The following VAV2 variants were observed in gnomAD, a reference collection of about 807,000 sequenced individuals.
VAV2 encodes the protein guanine nucleotide exchange factor VAV2.
In VAV2, 67 loss-of-function variants were observed where a neutral mutation model predicts 132.5. The ratio of observed to expected loss-of-function variants is 0.51; its 90% CI spans 0.42 to 0.62. The LOEUF is 0.62. VAV2 is among the 20% of genes least tolerant of loss of function. VAV2 has a pLI of 0.00. For missense variants in VAV2, 938 were observed against 1,153.6 expected, an observed-to-expected ratio of 0.81 and a Z score of 2.71; for synonymous variants, 492 against 443.5, an observed-to-expected ratio of 1.11 and a Z score of -1.37.
chr9:133,944,461 C>T (rs1004574488), intron 1 of VAV2, among the ~76,000 whole-genome samples: 5 of 152,204 alleles, frequency 3.3e-5, no homozygotes, highest in Non-Finnish European at 5.9e-5. Context: ...GCTTGGCCAT[C>T]GACCCCTGGG....
At chr9:133,906,059 G>C (rs1363039591) in intron 2 of VAV2, among the ~76,000 whole-genome samples, 1 of 152,060 alleles carries the variant, frequency 6.6e-6, no homozygotes, top group Admixed American at 6.6e-5. Context: ...AAAAAAGAAA[G>C]AGGTTCCTAC....
intron 1 of VAV2, among the ~76,000 whole-genome samples, chr9:133,944,690 C>T (rs1018501100): frequency 2.0e-5 from 3 of 152,204 alleles, no homozygotes; most frequent in East Asian, 1.9e-4. Flanking sequence ...AGCAGGCCCC[C>T]GCCTAAGGGG....
intron 9 of VAV2, among the ~76,000 whole-genome samples, chr9:133,803,077 T>C (rs1465422014): frequency 6.6e-6 from 1 of 152,070 alleles, no homozygotes; most frequent in Non-Finnish European, 1.5e-5. Context: ...CCACCCAGCC[T>C]TGGGCTTCGG....
At chr9:133,795,638 C>G in intron 12 of VAV2, 30 bp downstream of exon 12, 2 of 1,613,316 alleles carry the variant, frequency 1.2e-6, no homozygotes, top group African/African-American at 1.3e-5. Flanking sequence ...CAGACGGTGG[C>G]TTCTCCCCTG....
At chr9:133,904,630 C>T (rs572279777) in intron 2 of VAV2, among the ~76,000 whole-genome samples, 37 of 152,360 alleles carry the variant, frequency 2.4e-4, no homozygotes, top group Middle Eastern at 3.4e-3. Context: ...TGGAGTCGGA[C>T]GACATGCCCG....
Position 133,879,397 on chromosome 9 carries a change from G to A in VAV2, c.322-17965C>T, listed in dbSNP as rs1454738331. Among the ~76,000 whole-genome samples the A allele has an allele frequency of 6.6e-6, 1 of 152,156 alleles. No individual in the cohort carries two copies. Among genetic ancestry groups the A allele is most frequent in the Non-Finnish European group, 1.5e-5 (1 of 68,030 alleles). ...AGTCCCTAATCAAGCAAAGCAAGGGGCAGGAGATGTCCAGGAATCAGAGAA... is the reference window on the plus strand; with the variant it reads ...AGTCCCTAATCAAGCAAAGCAAGGGACAGGAGATGTCCAGGAATCAGAGAA... On this transcript the variant is annotated intron_variant, in intron 2 of 29. Coordinates refer to ENST00000371850, the MANE Select transcript of VAV2 (RefSeq NM_001134398.2). The surrounding 1 kb of genome is among the most constrained non-coding windows in gnomAD (Gnocchi z 4.4).
intron 2 of VAV2, among the ~76,000 whole-genome samples, chr9:133,880,287 G>A (rs1838440080): frequency 6.6e-6 from 1 of 152,216 alleles, no homozygotes; most frequent in African/African-American, 2.4e-5. Flanking sequence ...AGGGAGAGTG[G>A]GCAGGAAGCA....
At chr9:133,896,866 G>A (rs537286173) in intron 2 of VAV2, among the ~76,000 whole-genome samples, 86 of 152,230 alleles carry the variant, frequency 5.6e-4, no homozygotes, top group Non-Finnish European at 7.8e-4. Context: ...AGGCCGAGGC[G>A]GGCGGATCAC....
intron 4 of VAV2, among the ~76,000 whole-genome samples, chr9:133,830,063 G>A (rs1043200464): frequency 6.6e-5 from 10 of 152,162 alleles, no homozygotes; most frequent in African/African-American, 2.4e-4. Flanking sequence ...GCACTCACAC[G>A]GTGCCCCTCG....
chr9:133,915,668 G>GCA (rs199923012), intron 2 of VAV2, among the ~76,000 whole-genome samples: 5,003 of 147,938 alleles, frequency 0.034, 268 homozygotes, highest in African/African-American at 0.11. Flanking sequence ...ACGCACACAT[G>GCA]CACACACACA....
intron 17 of VAV2, 110 bp from the exon 18 acceptor site, chr9:133,784,528 G>A (rs901588015): frequency 4.2e-6 from 5 of 1,187,094 alleles, no homozygotes; most frequent in African/African-American, 1.5e-5. Flanking sequence ...TGCAGAATCC[G>A]AGAGGGCCTG....
intron 1 of VAV2, among the ~76,000 whole-genome samples, chr9:133,944,119 T>G (rs1180031776): frequency 6.6e-6 from 1 of 151,584 alleles, no homozygotes; most frequent in Non-Finnish European, 1.5e-5. Flanking sequence ...GACAGTCACG[T>G]CTCTTTAGGG....
At chr9:133,938,258 CGG>C (rs1306141376) in intron 2 of VAV2, among the ~76,000 whole-genome samples, 1 of 152,216 alleles carries the variant, frequency 6.6e-6, no homozygotes, top group Non-Finnish European at 1.5e-5. Context: ...CAACAGCAGG[CGG>C]GGGCCTGGGG....
rs371140585 is a variant in VAV2 at position 133,962,743 on chromosome 9, G to A, written c.205-23524C>T. On this transcript the variant is annotated intron_variant, in intron 1 of 29. Coordinates refer to ENST00000371850, the MANE Select transcript of VAV2 (RefSeq NM_001134398.2). ...CCATTTGATTTGAGCTCTACCGAGT[G>A]CATTAATTCCTTGAATGGTTTTCGA... Among the ~76,000 whole-genome samples, 6 of 152,348 alleles carry A rather than the reference G, an allele frequency of 3.9e-5. No homozygotes were observed. In the East Asian group the frequency reaches 7.7e-4, roughly 20 times the overall value.
At chr9:133,984,277 CTCTG>C (rs1842786208) in intron 1 of VAV2, among the ~76,000 whole-genome samples, 1 of 147,366 alleles carries the variant, frequency 6.8e-6, no homozygotes, top group Admixed American at 6.7e-5. Flanking sequence ...CCTAGTCTGT[CTCTG>C]TGTTTTGTGT....
intron 1 of VAV2, among the ~76,000 whole-genome samples, chr9:133,977,975 GCGTCC>G (rs1842568935): frequency 9.6e-6 from 1 of 104,242 alleles, no homozygotes; most frequent in African/African-American, 6.0e-5. Flanking sequence ...CTACGTGTAT[GCGTCC>G]ACCTGCCCTA....
At chr9:133,929,626 A>G (rs557114602) in intron 2 of VAV2, among the ~76,000 whole-genome samples, 7 of 152,140 alleles carry the variant, frequency 4.6e-5, no homozygotes, top group African/African-American at 1.4e-4. Flanking sequence ...CTCTGCCTGC[A>G]CGCAAAAGCC....
Position 133,768,404 on chromosome 9 carries a change from C to T in VAV2, c.2589+38G>A, listed in dbSNP as rs551169621. On this transcript the variant is annotated intron_variant, in intron 29 of 29. Transcript: ENST00000371850. The surrounding 1 kb of genome is among the most constrained non-coding windows in gnomAD (Gnocchi z 5.3). ...GAGCCCGACCAGGTAGGGGCTGCAG[C>T]GAGGCCAGCCCCACACCCTCAGGGT... is the stretch of plus-strand genomic sequence containing the variant. 22 of 1,601,020 alleles carry T rather than the reference C, an allele frequency of 1.4e-5. No homozygotes were observed. Among genetic ancestry groups the T allele is most frequent in the South Asian group, 5.6e-5 (5 of 89,780 alleles).
At chr9:133,875,019 AG>A (rs1386621994) in intron 2 of VAV2, among the ~76,000 whole-genome samples, 1 of 152,212 alleles carries the variant, frequency 6.6e-6, no homozygotes, top group African/African-American at 2.4e-5. Flanking sequence ...GGGGCAGAGC[AG>A]CCCCAGAAAG....
Sources: gnomAD v4.1 joint callset for allele counts (sites outside exome capture counted in the v4.1 genomes callset) on GRCh38, gnomAD v4.1.1 for gene constraint, Gnocchi (gnomAD v3.1) non-coding constraint, MANE v1.5 for transcripts, NCBI Gene and HGNC (gene_info 2026-07-23, HGNC 2026-07-21) for gene names.